Variants in ZBTB17 observed in about 807,000 individuals in gnomAD.
ZBTB17 encodes zinc finger and BTB domain containing 17, also known as zinc finger and BTB domain-containing protein 17.
Under a neutral mutation model 85.1 loss-of-function variants are expected in ZBTB17, and 24 were observed. That is an observed-to-expected ratio of 0.28 (90% CI 0.20 to 0.40). ZBTB17 has a LOEUF of 0.40. Ranked by LOEUF, ZBTB17 falls within the 10% of genes least tolerant of loss-of-function variation. ZBTB17 has a pLI of 1.00. For synonymous variants in ZBTB17, 464 were observed against 460.2 expected, an observed-to-expected ratio of 1.01 and a Z score of -0.11; for missense variants, 743 against 1,105.1, an observed-to-expected ratio of 0.67 and a Z score of 4.65.
At chr1:15,949,446 G>GA (rs1198448913) in intron 2 of ZBTB17, among the ~76,000 whole-genome samples, 2 of 152,224 alleles carry the variant, frequency 1.3e-5, no homozygotes, top group Non-Finnish European at 2.9e-5. Flanking sequence ...TGTTTGAAGA[G>GA]AAAAATCAAC....
At position 15,973,178 on chromosome 1, in the gene ZBTB17, GCTC is replaced by G. The variant is rs1249252192; in HGVS notation, c.-89-56_-89-54del. ...TCTGATGAGAACCTAAAGGGTACCT[GCTC>G]CCTCAGAGCTGCCTTTTCATGCATC... On this transcript the variant is annotated intron_variant, in intron 1 of 15. Coordinates refer to ENST00000375743, the MANE Select transcript of ZBTB17 (RefSeq NM_003443.3). The surrounding 1 kb of genome is among the most constrained non-coding windows in gnomAD (Gnocchi z 4.1). 6.6e-6 allele frequency: 1 copy of G among 152,200 alleles called. No individual in the cohort carries two copies. The highest frequency in any genetic ancestry group is 6.5e-5 in the Admixed American group (1 of 15,280). The allele number at this position is 152,200 out of a possible 1,614,324, so 9.4% of individuals were successfully genotyped here. A position where few individuals can be genotyped will look rare whatever the true frequency, so the allele number is the denominator to read the frequency against.
rs1313607740 is a variant in ZBTB17, at chr1:15,942,043, C to T, written c.2338G>A (p.Asp780Asn). ...QAGELVFRPR[D>N]GAEGQPALAE... is the part of the protein sequence containing the mutation. ...AGTGCGGGCTGGCCCTCAGCCCCGTCGCGAGGGCGGAAGACCAGCTCCCCA... is the reference window on the plus strand; with the variant it reads ...AGTGCGGGCTGGCCCTCAGCCCCGTTGCGAGGGCGGAAGACCAGCTCCCCA... Residue 780 changes from aspartate (D) to asparagine (N), a missense_variant, in exon 16 of 16, where the codon GAC (aspartate) becomes AAC (asparagine). Asp to Asn is a conservative substitution (Grantham distance 23). Around this residue, in one of 4 missense-constraint regions of ZBTB17, gnomAD observed 69 missense variants for 77.0 expected, o/e 0.90. Coordinates refer to ENST00000375743, the MANE Select transcript of ZBTB17 (RefSeq NM_003443.3). 8.1e-6 allele frequency: 13 copies of T among 1,611,498 alleles called. No individual in the cohort carries two copies. Among genetic ancestry groups the T allele is most frequent in the Non-Finnish European group, 9.3e-6 (11 of 1,179,998 alleles).
chr1:15,956,286 G>T (rs181984391), intron 2 of ZBTB17, among the ~76,000 whole-genome samples: 1 of 152,292 alleles, frequency 6.6e-6, no homozygotes, highest in Admixed American at 6.5e-5. Flanking sequence ...GCAAGGTGGG[G>T]CTACTTCTTA....
At position 15,942,438 on chromosome 1, in the gene ZBTB17, G is replaced by A. The variant is rs767023853; in HGVS notation, c.2039-18C>T. On this transcript the variant is annotated intron_variant, in intron 14 of 15. Transcript: ENST00000375743. ...CGGCACCACTGCGGGCAGAGTCGCAGGGCCTAAGGTGAAGGCACGGGCACT... is the reference window on the plus strand; with the variant it reads ...CGGCACCACTGCGGGCAGAGTCGCAAGGCCTAAGGTGAAGGCACGGGCACT... 1 of 1,612,852 alleles carries A rather than the reference G, an allele frequency of 6.2e-7. No individual in the cohort carries two copies. Among genetic ancestry groups the A allele is most frequent in the Non-Finnish European group, 8.5e-7 (1 of 1,179,954 alleles).
At position 15,949,508 on chromosome 1, in the gene ZBTB17, G is replaced by A. The variant is rs538889284; in HGVS notation, c.-2-1011C>T. 6.6e-5 allele frequency among the ~76,000 whole-genome samples: 10 copies of A among 152,322 alleles called. No individual in the cohort carries two copies. The East Asian group carries it at 1.5e-3, about 24-fold the overall frequency. ...AGATTCAACTGGGCACGGCTGTCAC[G>A]CCCTGGCCCAGGATCTGCTAAGGGG... On this transcript the variant is annotated intron_variant, in intron 2 of 15. Coordinates refer to ENST00000375743, the MANE Select transcript of ZBTB17 (RefSeq NM_003443.3).
chr1:15,946,351 G>T lies in ZBTB17; in HGVS notation c.395-57C>A, dbSNP rs769422420. 8.9e-6 allele frequency: 14 copies of T among 1,580,994 alleles called. No homozygotes were observed. In the Admixed American group the frequency reaches 1.7e-4, roughly 19 times the overall value. The stretch of plus-strand genomic sequence containing the variant: ...CCCATCAAGTGCCCGCCATCTGGAG[G>T]TGTGAGGTGGCCCAGAACTTGCTAG... On this transcript the variant is annotated intron_variant, in intron 4 of 15. Coordinates refer to ENST00000375743, the MANE Select transcript of ZBTB17 (RefSeq NM_003443.3).
intron 1 of ZBTB17, among the ~76,000 whole-genome samples, chr1:15,975,301 T>A (rs532643056): frequency 6.6e-6 from 1 of 152,150 alleles, no homozygotes; most frequent in Non-Finnish European, 1.5e-5. Flanking sequence ...AAAGGATGAA[T>A]AAACCCAGGC....
In ZBTB17 at chr1:15,945,915, G is replaced by C. The variant is rs562922573; in HGVS notation, c.536-75C>G. 1.0e-3 allele frequency: 1,624 copies of C among 1,562,974 alleles called. 2 individuals carry two copies. Among genetic ancestry groups the C allele is most frequent in the Non-Finnish European group, 1.2e-3 (1,391 of 1,157,372 alleles). On this transcript the variant is annotated intron_variant, in intron 5 of 15. Transcript: ENST00000375743. ...TCGGATACCTCTCCTGGACCAGCGC[G>C]CTGGTGGTGGCTGCGTGTGACCCAG...
At chr1:15,969,484 G>A (rs947724131) in intron 2 of ZBTB17, 10 of 240,072 alleles carry the variant, frequency 4.2e-5, no homozygotes, top group Non-Finnish European at 2.5e-5. Context: ...GCCATGCCAC[G>A]GCTGGTGGTC....
intron 2 of ZBTB17, among the ~76,000 whole-genome samples, chr1:15,959,775 A>G (rs2072191369): frequency 6.6e-6 from 1 of 152,168 alleles, no homozygotes; most frequent in African/African-American, 2.4e-5. Flanking sequence ...TCTGTCAAAA[A>G]ATAAAAATAA....
At chr1:15,961,584 A>G (rs1340840551) in intron 2 of ZBTB17, among the ~76,000 whole-genome samples, 1 of 152,250 alleles carries the variant, frequency 6.6e-6, no homozygotes, top group East Asian at 1.9e-4. Flanking sequence ...TTTTAGAAGC[A>G]GCCCAGTGAG....
chr1:15,969,035 A>G (rs1374490601), intron 2 of ZBTB17, among the ~76,000 whole-genome samples: 2 of 152,216 alleles, frequency 1.3e-5, no homozygotes, highest in East Asian at 1.9e-4. Context: ...CGAAGCTTCA[A>G]CCTGTATTTA....
intron 2 of ZBTB17, among the ~76,000 whole-genome samples, chr1:15,968,721 C>G (rs1451679987): frequency 6.6e-6 from 1 of 152,132 alleles, no homozygotes; most frequent in Non-Finnish European, 1.5e-5. Flanking sequence ...GGGAACTCTC[C>G]CAGAAAACAG....
chr1:15,945,542 G>A (rs1281900677), intron 6 of ZBTB17, among the ~76,000 whole-genome samples, 173 bp downstream of exon 6: 2 of 152,178 alleles, frequency 1.3e-5, no homozygotes, highest in Non-Finnish European at 2.9e-5. Flanking sequence ...ACCAAGGAAC[G>A]ACCTCGAGAC....
At position 15,943,303 on chromosome 1, in the gene ZBTB17, G is replaced by A. The variant is rs2071438091; in HGVS notation, c.1697+96C>T. 5.0e-6 allele frequency: 8 copies of A among 1,593,876 alleles called. No individual in the cohort carries two copies. In the East Asian group the frequency reaches 1.6e-4, roughly 31 times the overall value. On this transcript the variant is annotated intron_variant, in intron 12 of 15. Coordinates refer to ENST00000375743, the MANE Select transcript of ZBTB17 (RefSeq NM_003443.3). ...AGGACCAGAGCCTGGGGCGTGGGCA[G>A]CAGTCAGCTCAGTCCCCAGCCAAGC... is the stretch of plus-strand genomic sequence containing the variant.
chr1:15,942,896 G>C (rs1304718000), intron 13 of ZBTB17, 158 bp from the exon 14 acceptor site: 1 of 1,327,672 alleles, frequency 7.5e-7, no homozygotes, highest in East Asian at 2.5e-5. Context: ...GGCACCTCTG[G>C]AAGCTCTAGG....
At chr1:15,954,542 A>G (rs546951159) in intron 2 of ZBTB17, among the ~76,000 whole-genome samples, 1 of 152,340 alleles carries the variant, frequency 6.6e-6, no homozygotes, top group South Asian at 2.1e-4. Context: ...TTGATTTTCT[A>G]GAAATACAGG....
At chr1:15,948,617 G>T in intron 2 of ZBTB17, 120 bp from the exon 3 acceptor site, 1 of 1,092,108 alleles carries the variant, frequency 9.2e-7, no homozygotes, top group Non-Finnish European at 1.3e-6. Context: ...ACAAGTGAGG[G>T]CATTTCTGCC....
In ZBTB17 at chr1:15,951,079, C is replaced by A. The variant is rs574759311; in HGVS notation, c.-2-2582G>T. Among the ~76,000 whole-genome samples the A allele has an allele frequency of 1.3e-5, 2 of 152,230 alleles. No homozygotes were observed. Among genetic ancestry groups the A allele is most frequent in the Non-Finnish European group, 2.9e-5 (2 of 68,044 alleles). On this transcript the variant is annotated intron_variant, in intron 2 of 15. Transcript: ENST00000375743. This position sits in a 1 kb window ranked among gnomAD's most constrained non-coding sequence, Gnocchi z 4.1. ...AAGAGAGCAGCTGTGTGCCCATGAGCAACATTTTCCACCGTGCTGACTGCA... is the reference window on the plus strand; with the variant it reads ...AAGAGAGCAGCTGTGTGCCCATGAGAAACATTTTCCACCGTGCTGACTGCA...
Sources: gnomAD v4.1 joint callset for allele counts (sites outside exome capture counted in the v4.1 genomes callset) on GRCh38, gnomAD v4.1.1 for gene constraint, gnomAD v4.1.1 regional missense constraint, Gnocchi (gnomAD v3.1) non-coding constraint, MANE v1.5 for transcripts, NCBI Gene and HGNC (gene_info 2026-07-23, HGNC 2026-07-21) for gene names.